Variants in GABRB1 observed in about 807,000 individuals in gnomAD.
GABRB1 encodes gamma-aminobutyric acid receptor subunit beta-1.
A neutral mutation model predicts 51.6 loss-of-function variants in GABRB1; 17 were observed. The ratio of observed to expected loss-of-function variants is 0.33; its 90% CI spans 0.23 to 0.49. The LOEUF is 0.49. Ranked by LOEUF, GABRB1 falls within the 20% of genes least tolerant of loss-of-function variation. The pLI is 0.99. For missense variants in GABRB1, 410 were observed against 600.6 expected, an observed-to-expected ratio of 0.68 and a Z score of 3.32; for synonymous variants, 247 against 218.9, an observed-to-expected ratio of 1.13 and a Z score of -1.14.
intron 4 of GABRB1, among the ~76,000 whole-genome samples, chr4:47,263,276 A>G (rs1722520508): frequency 6.6e-6 from 1 of 152,084 alleles, no homozygotes; most frequent in Non-Finnish European, 1.5e-5. Context: ...GCAAAATTAA[A>G]TATTGCATGA....
At chr4:47,294,636 A>T (rs1031192562) in intron 4 of GABRB1, among the ~76,000 whole-genome samples, 1 of 152,268 alleles carries the variant, frequency 6.6e-6, no homozygotes, top group Non-Finnish European at 1.5e-5. Context: ...CCACAGCTCA[A>T]GGAGGCCTGT....
intron 4 of GABRB1, among the ~76,000 whole-genome samples, chr4:47,228,931 C>T (rs944229397): frequency 2.0e-5 from 3 of 152,114 alleles, no homozygotes; most frequent in African/African-American, 7.2e-5. Flanking sequence ...ACTACTACAG[C>T]ATATATTAAT....
chr4:47,036,866 A>G (rs893043625), intron 3 of GABRB1, among the ~76,000 whole-genome samples: 14 of 151,700 alleles, frequency 9.2e-5, no homozygotes, highest in Admixed American at 3.3e-4. Flanking sequence ...GTCTTAAAAA[A>G]AAAGAAAAAA....
intron 3 of GABRB1, among the ~76,000 whole-genome samples, chr4:47,141,091 TA>T (rs75188109): frequency 6.7e-6 from 1 of 150,366 alleles, no homozygotes; most frequent in Non-Finnish European, 1.5e-5. Context: ...CAGTTTTTTT[TA>T]AAAAAAAACA....
intron 3 of GABRB1, among the ~76,000 whole-genome samples, chr4:47,128,816 C>T (rs982796056): frequency 1.2e-4 from 18 of 151,824 alleles, no homozygotes; most frequent in African/African-American, 4.4e-4. Context: ...TCGGATTTTG[C>T]CATTCTCTCA....
At chr4:47,128,915 C>T (rs1475805481) in intron 3 of GABRB1, among the ~76,000 whole-genome samples, 4 of 151,966 alleles carry the variant, frequency 2.6e-5, no homozygotes, top group Non-Finnish European at 2.9e-5. Context: ...GGTACAAAAC[C>T]GTACATTGTT....
Position 47,165,442 on chromosome 4 carries a change from C to T in GABRB1, c.461+3973C>T, listed in dbSNP as rs142767387. On this transcript the variant is annotated intron_variant, in intron 4 of 8. Transcript: ENST00000295454. ...CCTCTATCTCCAACAACATGGTTCC[C>T]ATCCATGCTACTTTCCTATAACAAC... Among the ~76,000 whole-genome samples, 35 of 152,178 alleles carry T rather than the reference C, an allele frequency of 2.3e-4. No individual in the cohort carries two copies. The East Asian group carries it at 6.6e-3, about 29-fold the overall frequency.
chr4:47,088,283 A>G (rs1560528338), intron 3 of GABRB1, among the ~76,000 whole-genome samples: 1 of 152,328 alleles, frequency 6.6e-6, no homozygotes, highest in East Asian at 1.9e-4. Flanking sequence ...CCCTTGTGGA[A>G]GGGAGGCAAA....
chr4:47,144,074 T>C (rs145351144), intron 3 of GABRB1, among the ~76,000 whole-genome samples: 31 of 151,982 alleles, frequency 2.0e-4, no homozygotes, highest in Non-Finnish European at 2.8e-4. Context: ...TGATAAATTC[T>C]GTATTGTGCA....
At chr4:47,344,907 G>C (rs1726035915) in intron 5 of GABRB1, among the ~76,000 whole-genome samples, 1 of 152,008 alleles carries the variant, frequency 6.6e-6, no homozygotes, top group South Asian at 2.1e-4. Flanking sequence ...ATTTTTAGTA[G>C]AGACGGAGTT....
intron 4 of GABRB1, among the ~76,000 whole-genome samples, chr4:47,305,451 T>C (rs139246957): frequency 1.1e-4 from 16 of 152,248 alleles, no homozygotes; most frequent in African/African-American, 3.6e-4. Flanking sequence ...AGAAAAGTAA[T>C]GATTTCAGTG....
chr4:47,039,470 G>A (rs1006726280), intron 3 of GABRB1, among the ~76,000 whole-genome samples: 3 of 151,154 alleles, frequency 2.0e-5, no homozygotes, highest in African/African-American at 7.3e-5. Context: ...ATGAAGTGAA[G>A]ATTTTTCTTT....
intron 1 of GABRB1, among the ~76,000 whole-genome samples, chr4:47,020,103 G>A (rs1724886832): frequency 6.6e-6 from 1 of 151,740 alleles, no homozygotes; most frequent in Non-Finnish European, 1.5e-5. Flanking sequence ...TTCCTCTTGA[G>A]GTCTCTCTCC....
intron 4 of GABRB1, among the ~76,000 whole-genome samples, chr4:47,294,990 G>A (rs1723915190): frequency 6.6e-6 from 1 of 152,204 alleles, no homozygotes; most frequent in Non-Finnish European, 1.5e-5. Flanking sequence ...TGATACCCAG[G>A]CAAACAGGGT....
chr4:47,152,618 T>C (rs1375988067), intron 3 of GABRB1, among the ~76,000 whole-genome samples: 1 of 151,992 alleles, frequency 6.6e-6, no homozygotes, highest in African/African-American at 2.4e-5. Context: ...TGTCTTCCTA[T>C]ATTCTGACCC....
intron 3 of GABRB1, among the ~76,000 whole-genome samples, chr4:47,051,433 G>A (rs1309402009): frequency 3.3e-5 from 5 of 152,194 alleles, no homozygotes; most frequent in African/African-American, 1.2e-4. Context: ...TTCTCAGCAA[G>A]TATTTATTTC....
At chr4:47,201,666 C>G (rs1015556997) in intron 4 of GABRB1, among the ~76,000 whole-genome samples, 1 of 151,236 alleles carries the variant, frequency 6.6e-6, no homozygotes. Context: ...TATTATTATG[C>G]CTAAAAATGT....
intron 5 of GABRB1, among the ~76,000 whole-genome samples, chr4:47,354,986 T>G (rs1373582669): frequency 1.1e-4 from 14 of 130,466 alleles, no homozygotes; most frequent in African/African-American, 4.2e-4. Flanking sequence ...CTTTGTTTTT[T>G]TTTTTTTTTT....
At chr4:47,132,666 A>G (rs1391359093) in intron 3 of GABRB1, among the ~76,000 whole-genome samples, 1 of 152,226 alleles carries the variant, frequency 6.6e-6, no homozygotes, top group Non-Finnish European at 1.5e-5. Flanking sequence ...CAAATACTGG[A>G]AACGCTCAAC....
Sources: allele counts gnomAD v4.1 joint callset (sites outside exome capture counted in the v4.1 genomes callset), GRCh38; gene constraint gnomAD v4.1.1; transcripts MANE v1.5; gene names NCBI Gene and HGNC (gene_info 2026-07-23, HGNC 2026-07-21).